Variants in TLCD4 observed in about 807,000 individuals in gnomAD.
TLCD4 encodes the protein TLC domain containing 4, also known as TLC domain-containing protein 4.
TLCD4 carries 7 observed loss-of-function variants against 24.2 expected under a neutral mutation model. That is an observed-to-expected ratio of 0.29 (90% CI 0.16 to 0.54). The LOEUF (loss-of-function observed/expected upper bound fraction) is 0.54. Ranked by LOEUF, TLCD4 falls within the 20% of genes least tolerant of loss-of-function variation. TLCD4 has a pLI of 0.95. For synonymous variants in TLCD4, 103 were observed against 106.4 expected (o/e 0.97, Z 0.20); for missense variants, 259 against 313.9 (o/e 0.82, Z 1.32).
intron 5 of TLCD4, among the ~76,000 whole-genome samples, chr1:95,172,199 C>T (rs1027469821): frequency 7.2e-5 from 11 of 152,112 alleles, no homozygotes; most frequent in Admixed American, 1.3e-4. Flanking sequence ...GTTATGACAG[C>T]GCTAACAAAC....
the TLCD4 span, among the ~76,000 whole-genome samples, chr1:95,100,278 A>C: frequency 6.6e-6 from 1 of 150,906 alleles, no homozygotes; most frequent in East Asian, 2.0e-4. Flanking sequence ...TTTCAATAGA[A>C]AATCCTGCAT....
chr1:95,171,929 T>C (rs564930346), intron 5 of TLCD4, among the ~76,000 whole-genome samples: 1 of 152,262 alleles, frequency 6.6e-6, no homozygotes, highest in East Asian at 1.9e-4. Flanking sequence ...GGGCCCCTAA[T>C]CCACTATGAC....
chr1:95,148,233 C>T (rs1288306372), intron 2 of TLCD4, among the ~76,000 whole-genome samples: 2 of 152,144 alleles, frequency 1.3e-5, no homozygotes, highest in African/African-American at 4.8e-5. Flanking sequence ...ATGATCCATT[C>T]GAATTGTTTT....
chr1:95,108,921 A>G, the TLCD4 span, among the ~76,000 whole-genome samples: 1 of 152,216 alleles, frequency 6.6e-6, no homozygotes. Context: ...CTGATCTTTT[A>G]AAAATTGTTC....
chr1:95,140,030 A>G (rs1389338118), intron 1 of TLCD4, among the ~76,000 whole-genome samples: 3 of 152,106 alleles, frequency 2.0e-5, no homozygotes, highest in South Asian at 4.1e-4. Context: ...GTCATCTCCT[A>G]TGAGAACAAT....
At chr1:95,148,867 C>T (rs1258062987) in intron 3 of TLCD4, 76 bp downstream of exon 3, 2 of 1,546,118 alleles carry the variant, frequency 1.3e-6, no homozygotes, top group African/African-American at 1.4e-5. Context: ...ACATCACTTA[C>T]TTTAAAACAG....
intron 5 of TLCD4, among the ~76,000 whole-genome samples, chr1:95,169,635 ATT>A (rs35581795): frequency 3.7e-3 from 562 of 151,894 alleles, no homozygotes; most frequent in African/African-American, 9.0e-3. Flanking sequence ...ATACTTCATG[ATT>A]TTTTTTTTAT....
chr1:95,172,319 T>G (rs183818697), intron 5 of TLCD4, among the ~76,000 whole-genome samples: 204 of 152,370 alleles, frequency 1.3e-3, no homozygotes, highest in South Asian at 3.1e-3. Flanking sequence ...TCTTCCATCT[T>G]GTTTAAATAA....
chr1:95,143,857 G>T, intron 1 of TLCD4, 34 bp from the exon 2 acceptor site: 1 of 1,332,930 alleles, frequency 7.5e-7, no homozygotes, highest in South Asian at 2.7e-5. Context: ...TTTATTATGA[G>T]ACAACAATTT....
the TLCD4 span, among the ~76,000 whole-genome samples, chr1:95,105,979 T>C: frequency 9.2e-5 from 14 of 151,752 alleles, no homozygotes; most frequent in Non-Finnish European, 1.8e-4. Flanking sequence ...TTGGAGGCAG[T>C]TGTTCTAATG....
chr1:95,148,140 AT>A (rs1402479337), intron 2 of TLCD4, among the ~76,000 whole-genome samples: 3 of 152,326 alleles, frequency 2.0e-5, no homozygotes, highest in Admixed American at 6.5e-5. Context: ...TTTCTTACAA[AT>A]TTGTTACAAG....
Position 95,148,642 on chromosome 1 carries a change from C to A in TLCD4, c.156-60C>A, listed in dbSNP as rs1258519695. On this transcript the variant is annotated intron_variant, in intron 2 of 6. Transcript: ENST00000370203. ...TTGTTCAGAATGTTCTGTGTCTTGT[C>A]AGGATTAAATTTTATTGCAAAGAAT... 2.5e-6 allele frequency: 4 copies of A among 1,603,948 alleles called. No individual in the cohort carries two copies. The South Asian group carries it at 3.3e-5, about 13-fold the overall frequency.
intron 1 of TLCD4, among the ~76,000 whole-genome samples, chr1:95,139,519 C>T (rs10047154): frequency 0.1 from 12,552 of 121,822 alleles, 621 homozygotes; most frequent in African/African-American, 0.13. Flanking sequence ...AGTGCAGTGG[C>T]GTGATCTTGG....
rs982861045 is a variant in TLCD4 at position 95,192,605 on chromosome 1, A to G, written c.*737A>G. On this transcript the variant is annotated 3_prime_UTR_variant, in exon 7 of 7. Coordinates refer to ENST00000370203, the MANE Select transcript of TLCD4 (RefSeq NM_152487.3). ...TTGTTGTATGCACTCTTTTCTTACT[A>G]TGGCTGTCAACACTTGTGTAGGGTT... The G allele has an allele frequency of 6.6e-6, 1 of 152,144 alleles. No individual in the cohort carries two copies. Among genetic ancestry groups the G allele is most frequent in the Non-Finnish European group, 1.5e-5 (1 of 68,016 alleles). The allele number at this position is 152,144 out of a possible 1,614,324, so 9.4% of individuals were successfully genotyped here.
chr1:95,137,546 A>G (rs945922956), intron 1 of TLCD4, among the ~76,000 whole-genome samples: 9 of 152,132 alleles, frequency 5.9e-5, no homozygotes, highest in East Asian at 1.9e-4. Flanking sequence ...GGGGGAAATG[A>G]GTGAGTGATC....
At chr1:95,110,286 C>T in the TLCD4 span, among the ~76,000 whole-genome samples, 2 of 151,830 alleles carry the variant, frequency 1.3e-5, no homozygotes, top group African/African-American at 2.4e-5. Flanking sequence ...AGGGGAAGAA[C>T]GAGCAACCCT....
intron 4 of TLCD4, 43 bp downstream of exon 4, chr1:95,150,309 C>T: frequency 6.3e-7 from 1 of 1,597,256 alleles, no homozygotes; most frequent in Non-Finnish European, 8.5e-7. Context: ...TTGTAAACTA[C>T]TCACGGAATT....
rs574519272 is a variant in TLCD4 at position 95,129,023 on chromosome 1, A to G, written c.-12+11406A>G. Among the ~76,000 whole-genome samples, 3 of 152,354 alleles carry G rather than the reference A, an allele frequency of 2.0e-5. No individual in the cohort carries two copies. The East Asian group carries it at 5.8e-4, about 29-fold the overall frequency. On this transcript the variant is annotated intron_variant, in intron 1 of 6. Transcript: ENST00000370203. The stretch of plus-strand genomic sequence containing the variant: ...TACTTTTTTGCTGAGAGTGGATGAC[A>G]CAGAGCTTAGTTTAGAGAACAGGGG...
chr1:95,119,011 T>A (rs1002108536), intron 1 of TLCD4, among the ~76,000 whole-genome samples: 1 of 152,178 alleles, frequency 6.6e-6, no homozygotes, highest in Non-Finnish European at 1.5e-5. Context: ...ACTGTCCTCA[T>A]CCTTGAGATG....
Sources: gnomAD v4.1 joint callset for allele counts (sites outside exome capture counted in the v4.1 genomes callset) on GRCh38, gnomAD v4.1.1 for gene constraint, MANE v1.5 for transcripts, NCBI Gene and HGNC (gene_info 2026-07-23, HGNC 2026-07-21) for gene names.